The following SLC39A10 variants were observed in gnomAD, a reference collection of about 807,000 sequenced individuals.
SLC39A10 encodes solute carrier family 39 member 10, also known as zinc transporter ZIP10.
In SLC39A10, 13 loss-of-function variants were observed where a neutral mutation model predicts 65.1. The observed-to-expected ratio is 0.20, with a 90% CI of 0.13 to 0.32. The LOEUF (loss-of-function observed/expected upper bound fraction) is 0.32, where lower values mean the gene tolerates loss of function less well. SLC39A10 is among the 10% of genes least tolerant of loss of function. The probability of loss-of-function intolerance (pLI) is 1.00; values close to 1 mark genes in which losing one functional copy is unlikely to be tolerated. For synonymous variants in SLC39A10, 321 were observed against 342.2 expected, an observed-to-expected ratio of 0.94 and a Z score of 0.68; for missense variants, 831 against 1,018.4, an observed-to-expected ratio of 0.82 and a Z score of 2.50.
chr2:195,697,812 A>T (rs1167312638), intron 3 of SLC39A10, among the ~76,000 whole-genome samples: 2 of 152,206 alleles, frequency 1.3e-5, no homozygotes, highest in East Asian at 3.8e-4. Context: ...CAACAAGCAT[A>T]TGAAGAAAAG....
intron 3 of SLC39A10, among the ~76,000 whole-genome samples, chr2:195,699,705 C>G (rs1359706934): frequency 3.3e-5 from 5 of 152,050 alleles, no homozygotes; most frequent in Non-Finnish European, 7.4e-5. Context: ...AATACATGGT[C>G]TATCCTGGAA....
At chr2:195,675,304 T>C (rs1559027635) in intron 1 of SLC39A10, among the ~76,000 whole-genome samples, 1 of 152,214 alleles carries the variant, frequency 6.6e-6, no homozygotes, top group Non-Finnish European at 1.5e-5. Context: ...CTTGGATTTT[T>C]GGTACTGTCC....
intron 8 of SLC39A10, among the ~76,000 whole-genome samples, chr2:195,726,356 T>C (rs566775385): frequency 2.6e-5 from 4 of 152,256 alleles, no homozygotes; most frequent in East Asian, 3.9e-4. Flanking sequence ...CTAAATGAAA[T>C]TGCCTCTTTA....
intron 2 of SLC39A10, among the ~76,000 whole-genome samples, chr2:195,630,954 C>G (rs533116523): frequency 2.6e-5 from 4 of 152,080 alleles, no homozygotes; most frequent in Non-Finnish European, 2.9e-5. Context: ...TTTGGGAGGC[C>G]GAGGCAGGTG....
At position 195,728,199 on chromosome 2, in the gene SLC39A10, G is replaced by C; in HGVS notation, c.2187G>C (p.Lys729Asn). ...AVLLKAGMTV[K>N]QAIVYNLLSA... ...TTCTTAAAGCAGGCATGACTGTAAA[G>C]CAAGCAATTGTATACAACCTCCTCT... Residue 729 changes from lysine to asparagine, a missense_variant, in exon 9 of 10, where the codon AAG (lysine) becomes AAC (asparagine). Lys to Asn is a moderately conservative substitution (Grantham distance 94, BLOSUM62 0). Coordinates refer to ENST00000359634, the MANE Select transcript of SLC39A10 (RefSeq NM_020342.3). This position sits in a 1 kb window ranked among gnomAD's most constrained non-coding sequence, Gnocchi z 4.4. The C allele has an allele frequency of 6.2e-7, 1 of 1,613,798 alleles. No individual in the cohort carries two copies. The highest frequency in any genetic ancestry group is 8.5e-7 in the Non-Finnish European group (1 of 1,179,778).
chr2:195,680,164 G>T lies in SLC39A10; in HGVS notation c.122G>T (p.Arg41Leu). The change falls in exon 2 of 10, where the codon CGT (arginine) becomes CTT (leucine). Residue 41 changes from arginine (R) to leucine (L), a missense_variant. Arg to Leu is a moderately radical substitution (Grantham distance 102). Coordinates refer to ENST00000359634, the MANE Select transcript of SLC39A10 (RefSeq NM_020342.3). ...CCTGAAGCGCTTCACAGACAGCATC[G>T]TGGAATGACAGAATTGGAGCCAAGC... ...HGPEALHRQH[R>L]GMTELEPSKF... The T allele has an allele frequency of 6.2e-7, 1 of 1,614,014 alleles. No homozygotes were observed.
intron 3 of SLC39A10, among the ~76,000 whole-genome samples, chr2:195,687,355 C>T (rs1288390542): frequency 6.6e-6 from 1 of 151,532 alleles, no homozygotes; most frequent in African/African-American, 2.4e-5. Flanking sequence ...GATTCTTATT[C>T]TTTGTTGTTA....
chr2:195,734,960 T>C lies in SLC39A10; in HGVS notation c.2415T>C (p.Asn805=), dbSNP rs1692544027. 2 of 1,613,898 alleles carry C rather than the reference T, an allele frequency of 1.2e-6. No homozygotes were observed. The highest frequency in any genetic ancestry group is 1.7e-6 in the Non-Finnish European group (2 of 1,179,880). The change falls in exon 10 of 10, where the codon AAT becomes AAC. Residue 805 remains asparagine, a synonymous_variant. Transcript: ENST00000359634. Reference sequence around the variant, plus strand: ...CTGTGGGGCAATTCATCCTTCAGAATTTAGGATTGCTCTTTGGATTTGCCA... The same window carrying C: ...CTGTGGGGCAATTCATCCTTCAGAACTTAGGATTGCTCTTTGGATTTGCCA... ...FCPVGQFILQ[N]LGLLFGFAIM...
intron 2 of SLC39A10, among the ~76,000 whole-genome samples, chr2:195,648,436 G>A (rs966412590): frequency 6.6e-6 from 1 of 152,110 alleles, no homozygotes; most frequent in Non-Finnish European, 1.5e-5. Flanking sequence ...CCAACACTTT[G>A]GGAGATGGAG....
intron 1 of SLC39A10, among the ~76,000 whole-genome samples, chr2:195,659,602 T>C (rs1174838022): frequency 6.6e-6 from 1 of 152,168 alleles, no homozygotes; most frequent in East Asian, 1.9e-4. Context: ...CTGGAAAAAA[T>C]TTAGGGCTTT....
upstream of SLC39A10, among the ~76,000 whole-genome samples, chr2:195,655,854 G>C (rs149416941): frequency 5.3e-3 from 804 of 152,254 alleles, 17 homozygotes; most frequent in Admixed American, 0.034. Context: ...TCGTTGTTTT[G>C]GATGTTTTTT....
intron 3 of SLC39A10, among the ~76,000 whole-genome samples, chr2:195,685,646 C>T (rs1455140817): frequency 1.3e-5 from 2 of 152,174 alleles, no homozygotes; most frequent in South Asian, 2.1e-4. Flanking sequence ...TTCAAAGATT[C>T]AGATCAAGTA....
At chr2:195,626,768 A>C (rs1014116331) in intron 2 of SLC39A10, among the ~76,000 whole-genome samples, 1 of 152,218 alleles carries the variant, frequency 6.6e-6, no homozygotes. Context: ...AGATGAGGGT[A>C]AAAAGAATGC....
intron 3 of SLC39A10, among the ~76,000 whole-genome samples, chr2:195,701,675 G>T (rs940536593): frequency 6.6e-6 from 1 of 150,952 alleles, no homozygotes; most frequent in Non-Finnish European, 1.5e-5. Flanking sequence ...GATTTTCACA[G>T]GTTTTTTTTG....
intron 8 of SLC39A10, among the ~76,000 whole-genome samples, chr2:195,719,104 T>C (rs887100242): frequency 1.3e-5 from 2 of 152,054 alleles, no homozygotes; most frequent in African/African-American, 2.4e-5. Context: ...CTTTCAACTA[T>C]AGTAATCATA....
chr2:195,622,308 G>A (rs1013777506), intron 2 of SLC39A10, among the ~76,000 whole-genome samples: 1 of 152,102 alleles, frequency 6.6e-6, no homozygotes. Context: ...CAAGGCTGCA[G>A]TGAGCCATGA....
chr2:195,625,794 T>C (rs1032900385), intron 2 of SLC39A10, among the ~76,000 whole-genome samples: 3 of 152,176 alleles, frequency 2.0e-5, no homozygotes, highest in African/African-American at 7.2e-5. Context: ...GAAAGCTCAG[T>C]GATGATACAC....
intron 1 of SLC39A10, among the ~76,000 whole-genome samples, chr2:195,678,562 G>GTT (rs61430237): frequency 1.7e-4 from 22 of 128,024 alleles, no homozygotes; most frequent in African/African-American, 2.8e-4. Context: ...TTTTAGTTAG[G>GTT]TTTTTTTTTT....
rs538628633 is a variant in SLC39A10 at position 195,729,692 on chromosome 2, C to T, written c.2337+1343C>T. On this transcript the variant is annotated intron_variant, in intron 9 of 9. Transcript: ENST00000359634. ...ATTATTTCTATTAGCCTATAAACCT[C>T]ATATTACTTCTCCCTTCTTAAAGAG... 2.6e-5 allele frequency among the ~76,000 whole-genome samples: 4 copies of T among 152,288 alleles called. No homozygotes were observed. In the South Asian group the frequency reaches 6.2e-4, roughly 24 times the overall value.
Sources: gnomAD v4.1 joint callset for allele counts (sites outside exome capture counted in the v4.1 genomes callset) on GRCh38, gnomAD v4.1.1 for gene constraint, Gnocchi (gnomAD v3.1) non-coding constraint, MANE v1.5 for transcripts, NCBI Gene and HGNC (gene_info 2026-07-23, HGNC 2026-07-21) for gene names.